The following GPR137C variants were observed in gnomAD, a reference collection of about 807,000 sequenced individuals.
GPR137C encodes the protein G protein-coupled receptor 137C.
GPR137C carries 27 observed loss-of-function variants against 43.4 expected under a neutral mutation model. The ratio of observed to expected loss-of-function variants is 0.62; its 90% confidence interval spans 0.46 to 0.86. The LOEUF (loss-of-function observed/expected upper bound fraction) is 0.86, where lower values mean the gene tolerates loss of function less well. GPR137C is among the 40% of genes least tolerant of loss of function. The pLI is 0.00. For missense variants in GPR137C, 522 were observed against 534.6 expected, an observed-to-expected ratio of 0.98 and a Z score of 0.23; for synonymous variants, 285 against 226.9, an observed-to-expected ratio of 1.26 and a Z score of -2.30.
At chr14:52,620,525 G>C (rs2039148085) in intron 3 of GPR137C, among the ~76,000 whole-genome samples, 1 of 151,386 alleles carries the variant, frequency 6.6e-6, no homozygotes, top group Admixed American at 6.6e-5. Context: ...CAATGTCCAG[G>C]TCAAGGTTAC....
In GPR137C at chr14:52,600,098, CT is replaced by C. The variant is rs752356089; in HGVS notation, c.489-8del. On this transcript the variant is annotated splice_polypyrimidine_tract_variant and intron_variant, in intron 2 of 6. Transcript: ENST00000321662. ...ATTAGTTATATAACCATCTAATATACTTTTTTTCTTTCAGAATTCTACTGCA... is the reference window on the plus strand; with the variant it reads ...ATTAGTTATATAACCATCTAATATACTTTTTTCTTTCAGAATTCTACTGCA... 208 of 1,559,748 alleles carry C rather than the reference CT, an allele frequency of 1.3e-4. No individual in the cohort carries two copies. The highest frequency in any genetic ancestry group is 6.7e-4 in the Middle Eastern group (4 of 5,972).
chr14:52,628,114 G>A (rs1162051661), intron 3 of GPR137C, among the ~76,000 whole-genome samples: 1 of 152,172 alleles, frequency 6.6e-6, no homozygotes, highest in Non-Finnish European at 1.5e-5. Flanking sequence ...TTGAAACTTA[G>A]TATAAAGCTA....
intron 3 of GPR137C, among the ~76,000 whole-genome samples, chr14:52,626,079 A>T (rs1000656426): frequency 5.3e-5 from 8 of 152,232 alleles, no homozygotes; most frequent in African/African-American, 1.9e-4. Flanking sequence ...CATTTTTCAC[A>T]GTATTCAGTA....
At chr14:52,554,717 A>G (rs1422001955) in intron 1 of GPR137C, among the ~76,000 whole-genome samples, 1 of 152,062 alleles carries the variant, frequency 6.6e-6, no homozygotes. Flanking sequence ...CAAAAGTAAA[A>G]AAAAAAAAAA....
At position 52,634,396 on chromosome 14, in the gene GPR137C, C is replaced by T. The variant is rs2039328375; in HGVS notation, c.1112+450C>T. ...AACCATTTCAAGTCCGTAACTAGTA[C>T]ACTATTGACTGTGATTCGGGCAAAG... is the stretch of plus-strand genomic sequence containing the variant. On this transcript the variant is annotated intron_variant, in intron 6 of 6. Transcript: ENST00000321662. 1.3e-5 allele frequency among the ~76,000 whole-genome samples: 2 copies of T among 152,048 alleles called. 1 individual carries two copies. The highest frequency in any genetic ancestry group is 4.1e-4 in the South Asian group (2 of 4,822).
intron 6 of GPR137C, among the ~76,000 whole-genome samples, chr14:52,634,572 C>G (rs2039330992): frequency 6.6e-6 from 1 of 151,976 alleles, no homozygotes. Flanking sequence ...GAACCTATTT[C>G]AGAGGTTTGT....
intron 1 of GPR137C, among the ~76,000 whole-genome samples, chr14:52,561,939 AC>A (rs1447575243): frequency 6.6e-6 from 1 of 152,192 alleles, no homozygotes; most frequent in Non-Finnish European, 1.5e-5. Flanking sequence ...AGAATTGTAC[AC>A]CTTAAATGCA....
intron 3 of GPR137C, among the ~76,000 whole-genome samples, chr14:52,603,169 T>C (rs978384646): frequency 5.3e-5 from 8 of 152,284 alleles, no homozygotes; most frequent in African/African-American, 1.9e-4. Flanking sequence ...CTTTTGTAGC[T>C]CCCACATGTG....
rs368087789 is a variant in GPR137C at position 52,553,481 on chromosome 14, T to A, written c.334T>A (p.Leu112Met). The A allele has an allele frequency of 6.2e-7, 1 of 1,608,786 alleles. No individual in the cohort carries two copies. Among genetic ancestry groups the A allele is most frequent in the African/African-American group, 1.3e-5 (1 of 74,924 alleles). ...CTTCTCGCTCAGCGGCTCCCTGCCC[T>A]TGCTCCGGCCGCCCGCTCACCTGCA... Reference protein sequence around the residue: ...AAFSLSGSLPLLRPPAHLHFF... With the variant: ...AAFSLSGSLPMLRPPAHLHFF... The change falls in exon 1 of 7, where the codon TTG becomes ATG. Residue 112 changes from leucine (L) to methionine (M), a missense_variant. By Grantham distance (15) the Leu-to-Met change is conservative (BLOSUM62 2). This residue lies in a region of GPR137C where 437 missense variants were observed against 425.7 expected (regional missense o/e 1.03). Coordinates refer to ENST00000321662, the MANE Select transcript of GPR137C (RefSeq NM_001099652.2).
chr14:52,573,693 C>T (rs1041241519), intron 1 of GPR137C, among the ~76,000 whole-genome samples: 1 of 152,170 alleles, frequency 6.6e-6, no homozygotes, highest in Non-Finnish European at 1.5e-5. Flanking sequence ...ACACCAAAAG[C>T]AATGGCAACA....
chr14:52,633,783 T>A, intron 5 of GPR137C, 45 bp from the exon 6 acceptor site: 1 of 1,533,706 alleles, frequency 6.5e-7, no homozygotes, highest in Non-Finnish European at 9.0e-7. Context: ...CCTTTCTTAG[T>A]GGAAAAGTAA....
chr14:52,553,188 C>T lies in GPR137C; in HGVS notation c.41C>T (p.Pro14Leu), dbSNP rs2038109951. ...CCGGGTCCGGCGGCCGCTGCCGCCCCCGCAGCCGGCCGCGAGCCCTCCACG... is the reference window on the plus strand; with the variant it reads ...CCGGGTCCGGCGGCCGCTGCCGCCCTCGCAGCCGGCCGCGAGCCCTCCACG... ...SVPGPAAAAAPAAGREPSTPG... is the reference protein window; with the variant it reads ...SVPGPAAAAALAAGREPSTPG... Residue 14 changes from proline (P) to leucine (L), a missense_variant, in exon 1 of 7, where the codon CCC becomes CTC. Pro to Leu is a moderately conservative substitution (Grantham distance 98). Around this residue, in one of 3 missense-constraint regions of GPR137C, gnomAD observed 437 missense variants for 425.7 expected, o/e 1.03. Transcript: ENST00000321662. 6 of 1,203,874 alleles carry T rather than the reference C, an allele frequency of 5.0e-6. No homozygotes were observed. The highest frequency in any genetic ancestry group is 4.1e-5 in the South Asian group (1 of 24,118). The allele number at this position is 1,203,874 out of a possible 1,614,324, so 74.6% of individuals were successfully genotyped here. A position where few individuals can be genotyped will look rare whatever the true frequency, so the allele number is the denominator to read the frequency against.
At chr14:52,596,384 G>A (rs2038855479) in intron 1 of GPR137C, among the ~76,000 whole-genome samples, 1 of 152,260 alleles carries the variant, frequency 6.6e-6, no homozygotes, top group South Asian at 2.1e-4. Flanking sequence ...TAAGTCTGCA[G>A]AAGTTGTCTG....
At chr14:52,631,066 A>G (rs1384447035) in intron 3 of GPR137C, among the ~76,000 whole-genome samples, 2 of 152,196 alleles carry the variant, frequency 1.3e-5, no homozygotes, top group African/African-American at 2.4e-5. Flanking sequence ...ACAAAGCACA[A>G]ATTTCCTTCA....
chr14:52,613,397 TA>T (rs2039061373), intron 3 of GPR137C: 1 of 152,300 alleles, frequency 6.6e-6, no homozygotes, highest in Non-Finnish European at 1.5e-5. Flanking sequence ...AATACACAAT[TA>T]AATTATTATC....
chr14:52,570,114 A>C (rs1029091683), intron 1 of GPR137C, among the ~76,000 whole-genome samples: 1 of 152,224 alleles, frequency 6.6e-6, no homozygotes, highest in African/African-American at 2.4e-5. Flanking sequence ...GGTTACCCAC[A>C]AAGGGAAGCC....
chr14:52,553,447 C>T lies in GPR137C; in HGVS notation c.300C>T (p.Phe100=), dbSNP rs747226792. 3.8e-5 allele frequency: 61 copies of T among 1,608,978 alleles called. No individual in the cohort carries two copies. Among genetic ancestry groups the T allele is most frequent in the Non-Finnish European group, 5.0e-5 (59 of 1,179,820 alleles). ...LLWAALRTTL[F]SAAFSLSGSL... is the part of the protein sequence containing the mutation. Reference sequence around the variant, plus strand: ...GGGCAGCGCTCAGGACCACCCTCTTCTCCGCCGCCTTCTCGCTCAGCGGCT... The same window carrying T: ...GGGCAGCGCTCAGGACCACCCTCTTTTCCGCCGCCTTCTCGCTCAGCGGCT... Residue 100 remains phenylalanine (F), a synonymous_variant, in exon 1 of 7, where the codon TTC becomes TTT. Transcript: ENST00000321662.
chr14:52,622,157 G>T (rs948917932), intron 3 of GPR137C, among the ~76,000 whole-genome samples: 1 of 151,896 alleles, frequency 6.6e-6, no homozygotes, highest in Non-Finnish European at 1.5e-5. Context: ...AAATGGAGGA[G>T]AATTTTAATA....
intron 1 of GPR137C, among the ~76,000 whole-genome samples, chr14:52,562,710 A>G (rs1380091883): frequency 6.6e-6 from 1 of 152,240 alleles, no homozygotes; most frequent in Non-Finnish European, 1.5e-5. Flanking sequence ...ACTATATGAT[A>G]ATAAAAATAC....
Sources: gnomAD v4.1 joint callset for allele counts (sites outside exome capture counted in the v4.1 genomes callset) on GRCh38, gnomAD v4.1.1 for gene constraint, gnomAD v4.1.1 regional missense constraint, MANE v1.5 for transcripts, NCBI Gene and HGNC (gene_info 2026-07-23, HGNC 2026-07-21) for gene names.